The following API5 variants were observed in gnomAD, a reference collection of about 807,000 sequenced individuals.
API5 encodes apoptosis inhibitor 5, also known as FIF.
API5 carries 6 observed loss-of-function variants against 71.9 expected under a neutral mutation model. The observed-to-expected ratio is 0.08, with a 90% CI of 0.05 to 0.16. The LOEUF is 0.16. Ranked by LOEUF, API5 falls within the 10% of genes least tolerant of loss-of-function variation. The pLI is 1.00. For missense variants in API5, 332 were observed against 612.8 expected (o/e 0.54, Z 4.84); for synonymous variants, 189 against 221.3 (o/e 0.85, Z 1.30).
intron 9 of API5, 78 bp downstream of exon 9, chr11:43,328,971 C>G: frequency 7.0e-7 from 1 of 1,438,648 alleles, no homozygotes; most frequent in Non-Finnish European, 9.6e-7. Flanking sequence ...TGCTTTTGTT[C>G]TATGAGAGCT....
Position 43,326,738 on chromosome 11 carries a change from C to A in API5, c.855+127C>A, listed in dbSNP as rs138159750. 2.8e-3 allele frequency: 1,615 copies of A among 584,390 alleles called. 28 individuals carry two copies. The highest frequency in any genetic ancestry group is 0.026 in the African/African-American group (1,431 of 54,130). 36.2% of individuals were successfully genotyped at this position (584,390 alleles called of 1,614,324 possible). ...TGTCTGGTAATGGCCAGCCAGTAAT[C>A]TCCCTAGACCAGAATTAATTGCATT... is the stretch of plus-strand genomic sequence containing the variant. On this transcript the variant is annotated intron_variant, in intron 7 of 13. Coordinates refer to ENST00000531273, the MANE Select transcript of API5 (RefSeq NM_001142930.2).
intron 1 of API5, among the ~76,000 whole-genome samples, chr11:43,315,148 C>G (rs1475385977): frequency 6.6e-6 from 1 of 152,206 alleles, no homozygotes; most frequent in Non-Finnish European, 1.5e-5. Context: ...ATTGCTGCCA[C>G]TACAGACTAT....
chr11:43,318,455 A>C, intron 1 of API5, 185 bp from the exon 2 acceptor site: 1 of 1,534,942 alleles, frequency 6.5e-7, no homozygotes. Flanking sequence ...AAATGAAACA[A>C]AGATGGAGGG....
rs542190841 is a variant in API5 at position 43,343,919 on chromosome 11, C to A, written c.*1409C>A. 6.6e-6 allele frequency: 1 copy of A among 152,524 alleles called. No homozygotes were observed. Among genetic ancestry groups the A allele is most frequent in the Non-Finnish European group, 1.5e-5 (1 of 68,024 alleles). 9.4% of individuals were successfully genotyped at this position (152,524 alleles called of 1,614,324 possible). A position where few individuals can be genotyped will look rare whatever the true frequency, so the allele number is the denominator to read the frequency against. ...ATGCAGGTGTCTTCATTACCATTAC[C>A]TCTACACTGCAGAAGAAGCAAAACT... On this transcript the variant is annotated 3_prime_UTR_variant, in exon 14 of 14. Transcript: ENST00000531273.
At chr11:43,332,259 A>C (rs941631983) in intron 11 of API5, among the ~76,000 whole-genome samples, 1 of 152,212 alleles carries the variant, frequency 6.6e-6, no homozygotes, top group South Asian at 2.1e-4. Context: ...ATAGTTCTGC[A>C]GTGGATACTA....
chr11:43,338,963 TA>T, intron 13 of API5, among the ~76,000 whole-genome samples: 1 of 152,194 alleles, frequency 6.6e-6, no homozygotes, highest in African/African-American at 2.4e-5. Context: ...GCTACTGCAC[TA>T]CCTTAATGCT....
Position 43,328,795 on chromosome 11 carries a change from G to A in API5, c.1029G>A (p.Val343=). Residue 343 remains valine, a synonymous_variant, in exon 9 of 14, where the codon GTG becomes GTA. Transcript: ENST00000531273. ...AACCCAAGCTACAGTTCAGTTATGTGGAATGTTTGTTGTACAGTTTTCACC... is the reference window on the plus strand; with the variant it reads ...AACCCAAGCTACAGTTCAGTTATGTAGAATGTTTGTTGTACAGTTTTCACC... ...NEEPKLQFSY[V]ECLLYSFHQL... The A allele has an allele frequency of 1.9e-6, 3 of 1,614,012 alleles. No homozygotes were observed. In the African/African-American group the frequency reaches 4.0e-5, roughly 22 times the overall value.
At chr11:43,320,277 C>T (rs1432726956) in intron 2 of API5, among the ~76,000 whole-genome samples, 1 of 152,046 alleles carries the variant, frequency 6.6e-6, no homozygotes, top group Non-Finnish European at 1.5e-5. Flanking sequence ...AACTCCTGAC[C>T]TCGTGATCCA....
At chr11:43,313,365 T>C (rs1854556690) in intron 1 of API5, among the ~76,000 whole-genome samples, 1 of 152,160 alleles carries the variant, frequency 6.6e-6, no homozygotes, top group Non-Finnish European at 1.5e-5. Context: ...TGGGTATGTG[T>C]GTTCTTGGGA....
rs767097190 is a variant in API5 at position 43,320,889 on chromosome 11, T to C, written c.300T>C (p.Asp100=). The change falls in exon 3 of 14, where the codon GAT becomes GAC. Residue 100 remains aspartate (D), a synonymous_variant. Transcript: ENST00000531273. ...ATGENLPRVA[D]ILTQLLQTDD... is the part of the protein sequence containing the mutation. The stretch of plus-strand genomic sequence containing the variant: ...GAGAAAATCTTCCTCGAGTGGCAGA[T>C]ATACTAACGCAACTTTTGCAGACAG... The C allele has an allele frequency of 4.3e-6, 7 of 1,612,038 alleles. No homozygotes were observed. In the African/African-American group the frequency reaches 5.3e-5, roughly 12 times the overall value.
At chr11:43,335,823 AT>A in intron 12 of API5, 34 bp from the exon 13 acceptor site, 4 of 1,569,326 alleles carry the variant, frequency 2.5e-6, no homozygotes, top group Non-Finnish European at 3.4e-6. Context: ...GCTTAATAGA[AT>A]GTTTTTGAAT....
At chr11:43,324,669 C>T (rs546459732) in intron 6 of API5, among the ~76,000 whole-genome samples, 8 of 151,882 alleles carry the variant, frequency 5.3e-5, no homozygotes, top group South Asian at 4.2e-4. Flanking sequence ...GTCCACAATT[C>T]ATTTATTTAT....
chr11:43,334,813 T>G (rs1447118962), intron 11 of API5, among the ~76,000 whole-genome samples: 3 of 152,190 alleles, frequency 2.0e-5, no homozygotes, highest in South Asian at 2.1e-4. Flanking sequence ...TAGTGGTTTT[T>G]TTTGTTTGTT....
intron 11 of API5, among the ~76,000 whole-genome samples, chr11:43,331,802 G>T (rs1256419881): frequency 6.6e-6 from 1 of 152,148 alleles, no homozygotes; most frequent in East Asian, 1.9e-4. Flanking sequence ...GTATCATAGT[G>T]CCAAGTAGAA....
chr11:43,322,238 A>G, intron 5 of API5, 102 bp downstream of exon 5: 1 of 1,121,482 alleles, frequency 8.9e-7, no homozygotes, highest in South Asian at 2.0e-5. Flanking sequence ...GTATAAAATG[A>G]TATATCATAT....
rs201584028 is a variant in API5 at position 43,340,064 on chromosome 11, AC to A, written c.1493-2363del. ...ACAAAACTAAAGACTCTACCAAAAA[AC>A]TCATAGAACTGATAAATTTAGAAAA... On this transcript the variant is annotated intron_variant, in intron 13 of 13. Coordinates refer to ENST00000531273, the MANE Select transcript of API5 (RefSeq NM_001142930.2). Among the ~76,000 whole-genome samples, 1,084 of 152,218 alleles carry A rather than the reference AC, an allele frequency of 7.1e-3. 10 individuals carry two copies. The highest frequency in any genetic ancestry group is 9.8e-3 in the Non-Finnish European group (665 of 67,992).
intron 5 of API5, among the ~76,000 whole-genome samples, chr11:43,322,965 TA>T (rs1854945141): frequency 6.6e-6 from 1 of 152,218 alleles, no homozygotes; most frequent in South Asian, 2.1e-4. Context: ...CAAGGTGACC[TA>T]TTTTGTATAC....
chr11:43,312,132 C>T lies in API5; in HGVS notation c.5C>T (p.Pro2Leu). The change falls in exon 1 of 14, where the codon CCG becomes CTG. Residue 2 changes from proline to leucine, a missense_variant. Coordinates refer to ENST00000531273, the MANE Select transcript of API5 (RefSeq NM_001142930.2). ...GCCCTGGGCTTGTCGCTCACCATGC[C>T]GACAGTAGAGGAGCTTTACCGCAAT... The part of the protein sequence containing the change: M[P>L]TVEELYRNYG... 1.9e-6 allele frequency: 3 copies of T among 1,613,794 alleles called. No homozygotes were observed. Among genetic ancestry groups the T allele is most frequent in the Non-Finnish European group, 2.5e-6 (3 of 1,179,940 alleles).
chr11:43,319,751 A>G (rs1383278283), intron 2 of API5, among the ~76,000 whole-genome samples: 1 of 152,192 alleles, frequency 6.6e-6, no homozygotes, highest in African/African-American at 2.4e-5. Context: ...ATAAGCCAAG[A>G]TCAGTATTTG....
Sources: allele counts gnomAD v4.1 joint callset (sites outside exome capture counted in the v4.1 genomes callset), GRCh38; gene constraint gnomAD v4.1.1; transcripts MANE v1.5; gene names NCBI Gene and HGNC (gene_info 2026-07-23, HGNC 2026-07-21).